Variants in TOX observed in about 807,000 individuals in gnomAD.
TOX encodes thymocyte selection-associated high mobility group box protein TOX.
In TOX, 11 loss-of-function variants were observed where a neutral mutation model predicts 53.7. The ratio of observed to expected loss-of-function variants is 0.20; its 90% confidence interval spans 0.13 to 0.34. The LOEUF (loss-of-function observed/expected upper bound fraction) is 0.34, where lower values mean the gene tolerates loss of function less well. Among genes scored for constraint, TOX ranks in the 10% least tolerant of loss-of-function variants. The pLI is 1.00. For synonymous variants in TOX, 225 were observed against 245.3 expected, an observed-to-expected ratio of 0.92 and a Z score of 0.77; for missense variants, 570 against 664.6, an observed-to-expected ratio of 0.86 and a Z score of 1.56.
chr8:58,922,224 A>T lies in TOX; in HGVS notation c.411+17078T>A, dbSNP rs578165221. Among the ~76,000 whole-genome samples, 3 of 152,282 alleles carry T rather than the reference A, an allele frequency of 2.0e-5. No individual in the cohort carries two copies. In the East Asian group the frequency reaches 5.8e-4, roughly 29 times the overall value. The stretch of plus-strand genomic sequence containing the variant: ...TGTATACTTTCTTGGAATTCTCCTA[A>T]CTGTGTGCTTTATGAATTTTACAGC... On this transcript the variant is annotated intron_variant, in intron 3 of 8. Transcript: ENST00000361421.
chr8:59,119,099 A>AAC lies in TOX; in HGVS notation c.-114_-113dup. 1.6e-6 allele frequency: 1 copy of AAC among 634,370 alleles called. No individual in the cohort carries two copies. Among genetic ancestry groups the AAC allele is most frequent in the South Asian group, 1.9e-5 (1 of 53,908 alleles). 39.3% of individuals were successfully genotyped at this position (634,370 alleles called of 1,614,324 possible). A position where few individuals can be genotyped will look rare whatever the true frequency, so the allele number is the denominator to read the frequency against. On this transcript the variant is annotated 5_prime_UTR_variant, in exon 1 of 9. Transcript: ENST00000361421. ...GGTGTCTGGGCTCAGGAGTAAAAGA[A>AAC]ACACCTTCCTTCCCTCACATCCGTT... is the stretch of plus-strand genomic sequence containing the variant.
chr8:58,880,241 A>G (rs2726557), intron 3 of TOX, among the ~76,000 whole-genome samples: 64,989 of 152,124 alleles, frequency 0.43, 16,401 homozygotes, highest in African/African-American at 0.7. Context: ...GGGGCAGTAG[A>G]CAATGGCATT....
intron 1 of TOX, among the ~76,000 whole-genome samples, chr8:59,002,612 A>C (rs920043236): frequency 6.6e-6 from 1 of 151,704 alleles, no homozygotes; most frequent in African/African-American, 2.4e-5. Context: ...AACAACAAAA[A>C]AAAAACAAAC....
At chr8:59,047,272 A>G (rs1214223439) in intron 1 of TOX, among the ~76,000 whole-genome samples, 1 of 122,982 alleles carries the variant, frequency 8.1e-6, no homozygotes, top group Admixed American at 1.1e-4. Flanking sequence ...GCTGGAGTGC[A>G]GTGGCACGAT....
chr8:59,018,116 T>C (rs1388098244), intron 1 of TOX, among the ~76,000 whole-genome samples: 1 of 152,098 alleles, frequency 6.6e-6, no homozygotes, highest in Non-Finnish European at 1.5e-5. Flanking sequence ...AAAGACTGAG[T>C]AGATTCATAA....
chr8:58,871,310 C>T (rs540545046), intron 3 of TOX, among the ~76,000 whole-genome samples: 26 of 152,008 alleles, frequency 1.7e-4, no homozygotes, highest in Non-Finnish European at 2.8e-4. Flanking sequence ...GGTATTATTC[C>T]GTATGATACT....
intron 1 of TOX, among the ~76,000 whole-genome samples, chr8:58,962,305 C>T (rs1176747879): frequency 2.6e-5 from 4 of 152,158 alleles, no homozygotes; most frequent in Non-Finnish European, 5.9e-5. Flanking sequence ...TTGTGGCTAT[C>T]GGCATTATAA....
At chr8:59,067,634 C>T (rs1162234732) in intron 1 of TOX, among the ~76,000 whole-genome samples, 1 of 151,998 alleles carries the variant, frequency 6.6e-6, no homozygotes, top group Non-Finnish European at 1.5e-5. Context: ...AACATATTCT[C>T]TCCTTCCAAA....
chr8:58,837,849 A>C (rs1199399849), intron 5 of TOX, among the ~76,000 whole-genome samples: 2 of 152,240 alleles, frequency 1.3e-5, no homozygotes, highest in Admixed American at 6.5e-5. Context: ...TGCTTCCAAA[A>C]GTAACTAAAC....
At chr8:58,991,508 C>A (rs992691215) in intron 1 of TOX, among the ~76,000 whole-genome samples, 1 of 152,150 alleles carries the variant, frequency 6.6e-6, no homozygotes, top group African/African-American at 2.4e-5. Flanking sequence ...TCGCTTAGGT[C>A]CTCAGAACTT....
intron 1 of TOX, among the ~76,000 whole-genome samples, chr8:59,088,429 A>C (rs1425012506): frequency 6.6e-6 from 1 of 152,208 alleles, no homozygotes; most frequent in Non-Finnish European, 1.5e-5. Flanking sequence ...AATGAAAGAC[A>C]CCAGACATTT....
At chr8:59,019,232 T>C (rs958152174) in intron 1 of TOX, among the ~76,000 whole-genome samples, 4 of 152,204 alleles carry the variant, frequency 2.6e-5, no homozygotes, top group African/African-American at 9.6e-5. Flanking sequence ...ATAATTTAGA[T>C]AATTGATAGA....
At chr8:58,996,038 C>A (rs1206791908) in intron 1 of TOX, among the ~76,000 whole-genome samples, 1 of 152,176 alleles carries the variant, frequency 6.6e-6, no homozygotes, top group African/African-American at 2.4e-5. Context: ...GAAATCTATT[C>A]TTCGTCCAGT....
chr8:58,812,498 T>C (rs1810101196), intron 7 of TOX, among the ~76,000 whole-genome samples: 1 of 152,176 alleles, frequency 6.6e-6, no homozygotes, highest in African/African-American at 2.4e-5. Flanking sequence ...CACTTTCCAG[T>C]ATTTAAAGCG....
At chr8:58,857,856 G>T (rs1000119109) in intron 3 of TOX, among the ~76,000 whole-genome samples, 1 of 151,762 alleles carries the variant, frequency 6.6e-6, no homozygotes, top group Non-Finnish European at 1.5e-5. Flanking sequence ...TGCAACCTCC[G>T]CCTCCCAGGT....
rs957492204 is a variant in TOX, at chr8:58,875,617, T to C, written c.412-23812A>G. Among the ~76,000 whole-genome samples, 35 of 152,214 alleles carry C rather than the reference T, an allele frequency of 2.3e-4. 1 individual carries two copies. Among genetic ancestry groups the C allele is most frequent in the South Asian group, 1.4e-3 (7 of 4,832 alleles). On this transcript the variant is annotated intron_variant, in intron 3 of 8. Coordinates refer to ENST00000361421, the MANE Select transcript of TOX (RefSeq NM_014729.3). ...ATCTCATGGCTATGCATTAGAATAA[T>C]TTAAACCAAAGTTCTGGTTCAGTAT...
At chr8:59,063,713 G>A (rs1252814968) in intron 1 of TOX, among the ~76,000 whole-genome samples, 1 of 152,056 alleles carries the variant, frequency 6.6e-6, no homozygotes, top group African/African-American at 2.4e-5. Flanking sequence ...AAGCCACTGC[G>A]CCCGGCCCGG....
chr8:58,924,756 T>C (rs954481290), intron 3 of TOX, among the ~76,000 whole-genome samples: 1 of 152,250 alleles, frequency 6.6e-6, no homozygotes, highest in Non-Finnish European at 1.5e-5. Flanking sequence ...ATTTTCTCAT[T>C]AGTAATGTAT....
At chr8:59,103,627 T>C (rs764396122) in intron 1 of TOX, among the ~76,000 whole-genome samples, 24 of 152,176 alleles carry the variant, frequency 1.6e-4, no homozygotes, top group Non-Finnish European at 2.9e-4. Flanking sequence ...GAGATATAAA[T>C]TCCCTCCCAT....
Sources: allele counts gnomAD v4.1 joint callset (sites outside exome capture counted in the v4.1 genomes callset), GRCh38; gene constraint gnomAD v4.1.1; transcripts MANE v1.5; gene names NCBI Gene and HGNC (gene_info 2026-07-23, HGNC 2026-07-21).